PXDNL: variants seen among roughly 807,000 people sequenced by gnomAD.
The protein encoded by PXDNL is probable oxidoreductase PXDNL.
Under a neutral mutation model 150.8 loss-of-function variants are expected in PXDNL, and 145 were observed. The observed-to-expected ratio is 0.96, with a 90% CI of 0.84 to 1.10. The LOEUF is 1.10. Ranked by LOEUF, PXDNL falls within the 50% of genes least tolerant of loss-of-function variation. PXDNL has a pLI of 0.00. For missense variants in PXDNL, 2,087 were observed against 1,873.9 expected (o/e 1.11, Z -2.10); for synonymous variants, 757 against 725.7 (o/e 1.04, Z -0.69).
At chr8:51,799,552 A>C (rs2129262343) in intron 1 of PXDNL, among the ~76,000 whole-genome samples, 1 of 152,342 alleles carries the variant, frequency 6.6e-6, no homozygotes, top group East Asian at 1.9e-4. Flanking sequence ...TCCCATGCAA[A>C]CAGAGTTATA....
chr8:51,608,049 G>GAA (rs1251490749), intron 2 of PXDNL, among the ~76,000 whole-genome samples: 1 of 132,290 alleles, frequency 7.6e-6, no homozygotes, highest in Non-Finnish European at 1.6e-5. Flanking sequence ...AAGAAAGAAA[G>GAA]AAAGAAAGCA....
chr8:51,373,190 C>T (rs1011926661), intron 18 of PXDNL, among the ~76,000 whole-genome samples: 2 of 152,088 alleles, frequency 1.3e-5, no homozygotes, highest in Non-Finnish European at 1.5e-5. Context: ...TGTCTGGTGT[C>T]CTTATAAGAA....
intron 1 of PXDNL, among the ~76,000 whole-genome samples, chr8:51,764,628 T>C (rs2037205584): frequency 1.3e-5 from 2 of 152,234 alleles, no homozygotes; most frequent in South Asian, 4.1e-4. Context: ...CCTTCTATTA[T>C]TGATTTCAAA....
chr8:51,364,318 C>T (rs575994944), intron 19 of PXDNL, among the ~76,000 whole-genome samples: 29 of 152,228 alleles, frequency 1.9e-4, no homozygotes, highest in African/African-American at 6.3e-4. Flanking sequence ...GGTTCATGAC[C>T]TCACAACTCA....
At chr8:51,524,793 G>A (rs1337419506) in intron 4 of PXDNL, among the ~76,000 whole-genome samples, 1 of 152,066 alleles carries the variant, frequency 6.6e-6, no homozygotes, top group Non-Finnish European at 1.5e-5. Context: ...CTCTTCTGTG[G>A]TCACTGTTCT....
chr8:51,331,528 C>T (rs903448584), intron 21 of PXDNL, among the ~76,000 whole-genome samples: 7 of 152,164 alleles, frequency 4.6e-5, no homozygotes, highest in Non-Finnish European at 1.0e-4. Flanking sequence ...ACATCACAGG[C>T]AGGGGAAGAA....
At position 51,577,157 on chromosome 8, in the gene PXDNL, T is replaced by A. The variant is rs902512474; in HGVS notation, c.308+15470A>T. Among the ~76,000 whole-genome samples the A allele has an allele frequency of 3.7e-4, 56 of 151,962 alleles. 1 individual carries two copies. Among genetic ancestry groups the A allele is most frequent in the African/African-American group, 1.3e-3 (53 of 41,528 alleles). On this transcript the variant is annotated intron_variant, in intron 3 of 22. Transcript: ENST00000356297. ...TTCTCGATTCACTTTACAAAGTTAG[T>A]ATTAATGCGATACCAAAACCTGAGA... is the stretch of plus-strand genomic sequence containing the variant.
chr8:51,535,568 A>G (rs1447130396), intron 4 of PXDNL, among the ~76,000 whole-genome samples: 1 of 129,548 alleles, frequency 7.7e-6, no homozygotes, highest in Non-Finnish European at 1.6e-5. Flanking sequence ...GTACCCAGGG[A>G]CACAAACACT....
chr8:51,770,444 GGT>G (rs1409548571), intron 1 of PXDNL, among the ~76,000 whole-genome samples: 7 of 152,212 alleles, frequency 4.6e-5, no homozygotes, highest in Non-Finnish European at 8.8e-5. Context: ...TGGGGACGGA[GGT>G]GTCCAAACTT....
chr8:51,471,982 G>A (rs1396998130), intron 8 of PXDNL, among the ~76,000 whole-genome samples: 1 of 152,094 alleles, frequency 6.6e-6, no homozygotes, highest in Non-Finnish European at 1.5e-5. Flanking sequence ...GAGCCACCGC[G>A]CCCGGCCGGA....
intron 4 of PXDNL, among the ~76,000 whole-genome samples, chr8:51,506,353 C>T (rs573791227): frequency 2.8e-4 from 42 of 151,846 alleles, no homozygotes; most frequent in East Asian, 2.5e-3. Flanking sequence ...CCATCCTGGC[C>T]AACATGGTGA....
chr8:51,645,270 G>A (rs1814892829), intron 2 of PXDNL, among the ~76,000 whole-genome samples: 1 of 152,154 alleles, frequency 6.6e-6, no homozygotes, highest in Admixed American at 6.6e-5. Context: ...ACTAGGGACA[G>A]CCATCTGCTG....
rs1417379349 is a variant in PXDNL at position 51,737,932 on chromosome 8, C to G, written c.164+71249G>C. Among the ~76,000 whole-genome samples the G allele has an allele frequency of 2.0e-5, 3 of 152,172 alleles. No individual in the cohort carries two copies. In the East Asian group the frequency reaches 5.8e-4, roughly 29 times the overall value. ...TGACATGGTATGGCCACCTGCCCAC[C>G]CAGGGGCCCCACCTCTCAGTCTCAC... On this transcript the variant is annotated intron_variant, in intron 1 of 22. Coordinates refer to ENST00000356297, the MANE Select transcript of PXDNL (RefSeq NM_144651.5).
In PXDNL at chr8:51,632,886, C is replaced by T. The variant is rs115770265; in HGVS notation, c.236+21803G>A. Among the ~76,000 whole-genome samples the T allele has an allele frequency of 2.8e-3, 432 of 151,772 alleles. 2 individuals carry two copies. The highest frequency in any genetic ancestry group is 1.0e-2 in the African/African-American group (414 of 41,424). On this transcript the variant is annotated intron_variant, in intron 2 of 22. Transcript: ENST00000356297. ...TTTGTTTTTTGTTTTGTTTTGTTTTCTGTAATTTTAGATTTTCTGTTATTT... is the reference window on the plus strand; with the variant it reads ...TTTGTTTTTTGTTTTGTTTTGTTTTTTGTAATTTTAGATTTTCTGTTATTT...
At chr8:51,657,358 A>G (rs1815172639) in intron 1 of PXDNL, among the ~76,000 whole-genome samples, 1 of 152,240 alleles carries the variant, frequency 6.6e-6, no homozygotes, top group South Asian at 2.1e-4. Context: ...CAAAAAAGCT[A>G]TCAAATGTTA....
At chr8:51,611,664 C>T (rs1470306874) in intron 2 of PXDNL, among the ~76,000 whole-genome samples, 1 of 152,170 alleles carries the variant, frequency 6.6e-6, no homozygotes, top group Non-Finnish European at 1.5e-5. Context: ...CAGGAAGTTT[C>T]CCAGGAGGGA....
intron 6 of PXDNL, among the ~76,000 whole-genome samples, chr8:51,478,859 G>A (rs754291132): frequency 1.8e-4 from 27 of 152,308 alleles, no homozygotes; most frequent in Non-Finnish European, 3.1e-4. Context: ...TTTCCACCCC[G>A]TCTTGGACCC....
At chr8:51,419,418 T>C (rs1050273908) in intron 14 of PXDNL, among the ~76,000 whole-genome samples, 7 of 152,206 alleles carry the variant, frequency 4.6e-5, no homozygotes, top group African/African-American at 1.4e-4. Flanking sequence ...AATTCTATCA[T>C]GGAAACATAG....
chr8:51,375,101 T>C (rs1807263341), intron 17 of PXDNL, among the ~76,000 whole-genome samples: 1 of 152,170 alleles, frequency 6.6e-6, no homozygotes, highest in African/African-American at 2.4e-5. Flanking sequence ...CAGAAATACA[T>C]AGAAAATTAA....
Sources: gnomAD v4.1 joint callset for allele counts (sites outside exome capture counted in the v4.1 genomes callset) on GRCh38, gnomAD v4.1.1 for gene constraint, MANE v1.5 for transcripts, NCBI Gene and HGNC (gene_info 2026-07-23, HGNC 2026-07-21) for gene names.